BEND6: variants seen among roughly 807,000 people sequenced by gnomAD.
The protein encoded by BEND6 is BEN domain containing 6, also known as BEN domain-containing protein 6.
BEND6 carries 24 observed loss-of-function variants against 31.8 expected under a neutral mutation model. The observed-to-expected ratio is 0.75, with a 90% CI of 0.55 to 1.06. The LOEUF is 1.06. BEND6 is among the 50% of genes least tolerant of loss of function. BEND6 has a pLI of 0.00. For missense variants in BEND6, 294 were observed against 327.4 expected, an observed-to-expected ratio of 0.90 and a Z score of 0.79; for synonymous variants, 109 against 114.6, an observed-to-expected ratio of 0.95 and a Z score of 0.31.
At chr6:56,990,471 T>C (rs1826453608) in intron 2 of BEND6, among the ~76,000 whole-genome samples, 1 of 152,132 alleles carries the variant, frequency 6.6e-6, no homozygotes, top group Non-Finnish European at 1.5e-5. Flanking sequence ...GGTCTTGAAC[T>C]TCTGCGCTGA....
At chr6:56,963,965 T>C (rs1825377089) in intron 1 of BEND6, among the ~76,000 whole-genome samples, 1 of 147,584 alleles carries the variant, frequency 6.8e-6, no homozygotes. Context: ...TATAATTATA[T>C]TGTTAATTAA....
intron 1 of BEND6, among the ~76,000 whole-genome samples, chr6:56,980,168 G>C (rs1032772575): frequency 1.2e-4 from 18 of 152,202 alleles, no homozygotes; most frequent in African/African-American, 4.1e-4. Flanking sequence ...CCTCTTGATT[G>C]CTTTTTCTTT....
Position 56,998,950 on chromosome 6 carries a change from T to A in BEND6, c.298+6395T>A, listed in dbSNP as rs1826827571. 2.0e-5 allele frequency among the ~76,000 whole-genome samples: 3 copies of A among 152,010 alleles called. No individual in the cohort carries two copies. The South Asian group carries it at 6.2e-4, about 32-fold the overall frequency. On this transcript the variant is annotated intron_variant, in intron 3 of 6. Coordinates refer to ENST00000370746, the MANE Select transcript of BEND6 (RefSeq NM_152731.3). ...ACTCAAACAACCCAATAGCAAAAAA[T>A]CAAATAATTCTGTTTAAAAATGGGC...
intron 6 of BEND6, among the ~76,000 whole-genome samples, chr6:57,024,047 A>G (rs1827831117): frequency 2.6e-5 from 4 of 152,196 alleles, no homozygotes; most frequent in African/African-American, 9.7e-5. Context: ...GACGATTTTT[A>G]TTACAAAGAA....
chr6:57,026,749 G>T lies in BEND6; in HGVS notation c.*677G>T, dbSNP rs1827915324. On this transcript the variant is annotated 3_prime_UTR_variant, in exon 7 of 7. Coordinates refer to ENST00000370746, the MANE Select transcript of BEND6 (RefSeq NM_152731.3). ...TAAGCAATTCCACCACACTTCTGAA[G>T]AATAAACCTAAGTTTTTGTGATTGT... 6.6e-6 allele frequency: 1 copy of T among 152,156 alleles called. No homozygotes were observed. Among genetic ancestry groups the T allele is most frequent in the Non-Finnish European group, 1.5e-5 (1 of 68,022 alleles). 9.4% of individuals were successfully genotyped at this position (152,156 alleles called of 1,614,324 possible). A position where few individuals can be genotyped will look rare whatever the true frequency, so the allele number is the denominator to read the frequency against.
At chr6:56,990,348 G>A (rs1426576878) in intron 2 of BEND6, among the ~76,000 whole-genome samples, 1 of 144,128 alleles carries the variant, frequency 6.9e-6, no homozygotes, top group East Asian at 2.1e-4. Flanking sequence ...CCAAGCTCAA[G>A]CAATCCTCCC....
At chr6:56,969,223 T>A (rs1312658817) in intron 1 of BEND6, among the ~76,000 whole-genome samples, 1 of 152,222 alleles carries the variant, frequency 6.6e-6, no homozygotes, top group East Asian at 1.9e-4. Flanking sequence ...CTCAGCAGAG[T>A]GCTGTCTGAG....
At chr6:56,988,869 A>T (rs1019652981) in intron 2 of BEND6, among the ~76,000 whole-genome samples, 4 of 152,028 alleles carry the variant, frequency 2.6e-5, no homozygotes, top group Non-Finnish European at 4.4e-5. Context: ...TCTCTACTAA[A>T]TGTACAAAAA....
chr6:56,976,256 C>T (rs1356512165), intron 1 of BEND6, among the ~76,000 whole-genome samples: 7 of 147,706 alleles, frequency 4.7e-5, no homozygotes, highest in South Asian at 2.1e-4. Context: ...AGTGCAGTGG[C>T]GCGATCTCGA....
At chr6:56,989,411 G>C (rs1826409226) in intron 2 of BEND6, among the ~76,000 whole-genome samples, 1 of 152,066 alleles carries the variant, frequency 6.6e-6, no homozygotes, top group South Asian at 2.1e-4. Flanking sequence ...TCACCATTAT[G>C]AACAACAGTG....
chr6:56,997,710 C>G (rs978974846), intron 3 of BEND6, among the ~76,000 whole-genome samples: 1 of 152,096 alleles, frequency 6.6e-6, no homozygotes, highest in Admixed American at 6.5e-5. Flanking sequence ...CCTGCCACCA[C>G]GCCTGGCTAA....
At position 56,992,393 on chromosome 6, in the gene BEND6, G is replaced by A. The variant is rs1449957117; in HGVS notation, c.136G>A (p.Gly46Arg). 1.2e-6 allele frequency: 2 copies of A among 1,608,872 alleles called. No individual in the cohort carries two copies. The highest frequency in any genetic ancestry group is 1.1e-5 in the South Asian group (1 of 89,694). ...TCTATTTTAGAGAGACCCATATTCG[G>A]GAAATGCCTTTCTGCCTGGTGAAAG... ...MDKGQRDPYS[G>R]NAFLPGESSS... is the part of the protein sequence containing the mutation. The change falls in exon 3 of 7, where the codon GGA becomes AGA. Residue 46 changes from glycine to arginine, a missense_variant. Gly to Arg is a moderately radical substitution (Grantham distance 125, BLOSUM62 -2). Coordinates refer to ENST00000370746, the MANE Select transcript of BEND6 (RefSeq NM_152731.3).
At position 57,004,874 on chromosome 6, in the gene BEND6, A is replaced by G. The variant is rs941391756; in HGVS notation, c.299-10259A>G. ...GGAAATACAAAGAAATTAGCCAGAC[A>G]TGGTGGCATGTGCCAGTAGTCCCAG... On this transcript the variant is annotated intron_variant, in intron 3 of 6. Transcript: ENST00000370746. 8.1e-6 allele frequency: 5 copies of G among 615,568 alleles called. No homozygotes were observed. The African/African-American group carries it at 9.1e-5, about 11-fold the overall frequency. The allele number at this position is 615,568 out of a possible 1,614,324, so 38.1% of individuals were successfully genotyped here.
intron 2 of BEND6, among the ~76,000 whole-genome samples, chr6:56,983,385 G>A (rs1430579048): frequency 2.6e-5 from 4 of 152,122 alleles, no homozygotes; most frequent in Admixed American, 6.5e-5. Context: ...CGTGTGCTAC[G>A]TTAGATCTCT....
At chr6:56,990,574 C>G (rs964514706) in intron 2 of BEND6, among the ~76,000 whole-genome samples, 2 of 152,048 alleles carry the variant, frequency 1.3e-5, no homozygotes, top group Admixed American at 1.3e-4. Context: ...ATTTCTTGGT[C>G]ATATTGTCTA....
At chr6:56,960,752 T>G (rs769753312) in intron 1 of BEND6, among the ~76,000 whole-genome samples, 5 of 152,216 alleles carry the variant, frequency 3.3e-5, no homozygotes, top group Non-Finnish European at 7.3e-5. Context: ...TGATGATTAG[T>G]AAAAGATGTA....
At chr6:56,961,877 A>G (rs1290198402) in intron 1 of BEND6, among the ~76,000 whole-genome samples, 1 of 152,188 alleles carries the variant, frequency 6.6e-6, no homozygotes, top group Non-Finnish European at 1.5e-5. Context: ...AAGACTGCCC[A>G]TCCAGCTGTT....
rs752753638 is a variant in BEND6 at position 57,026,333 on chromosome 6, T to A, written c.*261T>A. ...CTGCCAGTCAAATAAGCATGCAATA[T>A]GGTTTCTTTGGAAATAAGCATTTCC... On this transcript the variant is annotated 3_prime_UTR_variant, in exon 7 of 7. Coordinates refer to ENST00000370746, the MANE Select transcript of BEND6 (RefSeq NM_152731.3). 2 of 152,204 alleles carry A rather than the reference T, an allele frequency of 1.3e-5. No homozygotes were observed. Among genetic ancestry groups the A allele is most frequent in the African/African-American group, 2.4e-5 (1 of 41,454 alleles). 9.4% of individuals were successfully genotyped at this position (152,204 alleles called of 1,614,324 possible).
chr6:57,004,152 A>G (rs1221722737), intron 3 of BEND6, among the ~76,000 whole-genome samples: 7 of 152,196 alleles, frequency 4.6e-5, no homozygotes, highest in South Asian at 2.1e-4. Flanking sequence ...CTCCTATTCA[A>G]CCTAGTACTA....
Sources: gnomAD v4.1 joint callset for allele counts (sites outside exome capture counted in the v4.1 genomes callset) on GRCh38, gnomAD v4.1.1 for gene constraint, MANE v1.5 for transcripts, NCBI Gene and HGNC (gene_info 2026-07-23, HGNC 2026-07-21) for gene names.